The following TMEM40 variants were observed in gnomAD, a reference collection of about 807,000 sequenced individuals.
TMEM40 encodes transmembrane protein 40.
Under a neutral mutation model 40.8 loss-of-function variants are expected in TMEM40, and 34 were observed. The ratio of observed to expected loss-of-function variants is 0.83; its 90% CI spans 0.63 to 1.11. The LOEUF is 1.11. Ranked by LOEUF, TMEM40 falls within the 50% of genes least tolerant of loss-of-function variation. The pLI, the probability that TMEM40 is intolerant of heterozygous loss-of-function variation, is 0.00. For synonymous variants in TMEM40, 106 were observed against 107.0 expected, an observed-to-expected ratio of 0.99 and a Z score of 0.06; for missense variants, 296 against 280.2, an observed-to-expected ratio of 1.06 and a Z score of -0.40.
chr3:12,748,534 G>A (rs1252588404), intron 3 of TMEM40, 121 bp downstream of exon 3: 2 of 1,367,138 alleles, frequency 1.5e-6, no homozygotes, highest in Non-Finnish European at 2.0e-6. Flanking sequence ...GGCTCTAGAA[G>A]AGAATGTGGA....
At position 12,738,065 on chromosome 3, in the gene TMEM40, G is replaced by A; in HGVS notation, c.424+71C>T. ...TGGGACTAACCCACCCTCTCAGGCT[G>A]TCTGAGGACCCAACCCATCGTCTGG... On this transcript the variant is annotated intron_variant, in intron 7 of 11. Coordinates refer to ENST00000314124, the MANE Select transcript of TMEM40 (RefSeq NM_018306.4). The A allele has an allele frequency of 3.8e-6, 6 of 1,590,118 alleles. No individual in the cohort carries two copies. The South Asian group carries it at 6.7e-5, about 18-fold the overall frequency.
chr3:12,736,004 G>A (rs1035373607), intron 10 of TMEM40, among the ~76,000 whole-genome samples: 1 of 152,098 alleles, frequency 6.6e-6, no homozygotes, highest in South Asian at 2.1e-4. Context: ...TGGAATTACA[G>A]GCGTGTGCCC....
intron 5 of TMEM40, among the ~76,000 whole-genome samples, chr3:12,739,544 A>C (rs887259378): frequency 1.3e-5 from 2 of 151,920 alleles, no homozygotes; most frequent in Non-Finnish European, 2.9e-5. Context: ...TCAGCCTCCC[A>C]AAGTGCTGGG....
intron 3 of TMEM40, among the ~76,000 whole-genome samples, chr3:12,745,849 C>A (rs2061423191): frequency 6.6e-6 from 1 of 152,030 alleles, no homozygotes; most frequent in South Asian, 2.1e-4. Flanking sequence ...AAAAAGTTAC[C>A]CAAACTGCAG....
intron 8 of TMEM40, 26 bp downstream of exon 8, chr3:12,737,681 C>A (rs763637885): frequency 1.2e-6 from 2 of 1,612,892 alleles, no homozygotes; most frequent in South Asian, 1.1e-5. Flanking sequence ...CAGGAAAAAG[C>A]AGCTCTGCTA....
intron 7 of TMEM40, 94 bp from the exon 8 acceptor site, chr3:12,737,848 G>A (rs1397230857): frequency 4.6e-6 from 6 of 1,306,282 alleles, no homozygotes; most frequent in African/African-American, 1.5e-5. Context: ...AATATCCTGG[G>A]TATATCTTCC....
At chr3:12,740,326 G>C (rs1034299272) in intron 5 of TMEM40, among the ~76,000 whole-genome samples, 4 of 151,052 alleles carry the variant, frequency 2.6e-5, no homozygotes, top group African/African-American at 9.7e-5. Context: ...CCAACCTCAA[G>C]TGATCCACCT....
At chr3:12,737,679 A>T (rs760160841) in intron 8 of TMEM40, 28 bp downstream of exon 8, 2 of 1,612,556 alleles carry the variant, frequency 1.2e-6, no homozygotes, top group Non-Finnish European at 1.7e-6. Context: ...GACAGGAAAA[A>T]GCAGCTCTGC....
At chr3:12,736,464 A>G (rs944579447) in intron 10 of TMEM40, 114 bp downstream of exon 10, 11 of 1,365,754 alleles carry the variant, frequency 8.1e-6, no homozygotes, top group Admixed American at 2.3e-5. Flanking sequence ...AATTTTTTTA[A>G]AAGTGTAGAT....
chr3:12,735,440 C>G (rs2061330249), intron 11 of TMEM40, 115 bp downstream of exon 11: 6 of 1,080,226 alleles, frequency 5.6e-6, no homozygotes, highest in Middle Eastern at 2.0e-4. Flanking sequence ...AGGTAGGACT[C>G]AAACCTGGGT....
intron 6 of TMEM40, 51 bp downstream of exon 6, chr3:12,738,502 C>T (rs1390577657): frequency 3.1e-6 from 5 of 1,604,364 alleles, no homozygotes; most frequent in African/African-American, 1.3e-5. Context: ...GATGCCTAGA[C>T]CTGGCTCAAT....
intron 1 of TMEM40, among the ~76,000 whole-genome samples, chr3:12,756,226 G>A (rs2061526005): frequency 6.6e-6 from 1 of 152,094 alleles, no homozygotes; most frequent in Non-Finnish European, 1.5e-5. Flanking sequence ...AATTTGAAAG[G>A]TGGATTTCCA....
intron 1 of TMEM40, among the ~76,000 whole-genome samples, chr3:12,756,190 G>C (rs985992131): frequency 5.3e-5 from 8 of 151,224 alleles, no homozygotes; most frequent in African/African-American, 2.0e-4. Context: ...AATCGTATTT[G>C]AGTTCCTGAA....
chr3:12,754,728 C>A (rs940563355), intron 1 of TMEM40, among the ~76,000 whole-genome samples: 11 of 152,114 alleles, frequency 7.2e-5, no homozygotes, highest in Non-Finnish European at 2.9e-5. Context: ...AGACTACACC[C>A]AAGAGAAGTG....
intron 4 of TMEM40, among the ~76,000 whole-genome samples, chr3:12,742,943 C>G (rs1369056162): frequency 6.6e-6 from 1 of 152,158 alleles, no homozygotes; most frequent in Non-Finnish European, 1.5e-5. Flanking sequence ...ATATAGCCAG[C>G]AAGTGGCAAC....
chr3:12,734,921 C>CA, intron 11 of TMEM40, 128 bp from the exon 12 acceptor site: 5 of 985,684 alleles, frequency 5.1e-6, no homozygotes, highest in Non-Finnish European at 6.2e-6. Context: ...AGCCATGGGT[C>CA]TCAATGAACC....
At chr3:12,736,156 T>C (rs893325104) in intron 10 of TMEM40, among the ~76,000 whole-genome samples, 7 of 151,574 alleles carry the variant, frequency 4.6e-5, no homozygotes, top group Non-Finnish European at 1.0e-4. Context: ...GAAATTTTTT[T>C]TTTTTTTTTT....
chr3:12,752,877 G>C (rs1246927517), intron 1 of TMEM40, among the ~76,000 whole-genome samples: 3 of 152,164 alleles, frequency 2.0e-5, no homozygotes, highest in African/African-American at 7.2e-5. Context: ...AGGGTAGTTG[G>C]TTGCTAAGCC....
chr3:12,751,043 G>T (rs118139160), intron 1 of TMEM40, among the ~76,000 whole-genome samples: 3 of 151,974 alleles, frequency 2.0e-5, no homozygotes, highest in Admixed American at 6.6e-5. Context: ...CTCTTCTAGC[G>T]ATGGAAGCAT....
Sources: allele counts gnomAD v4.1 joint callset (sites outside exome capture counted in the v4.1 genomes callset), GRCh38; gene constraint gnomAD v4.1.1; transcripts MANE v1.5; gene names NCBI Gene and HGNC (gene_info 2026-07-23, HGNC 2026-07-21).